IKBKB-DT: variants seen among roughly 807,000 people sequenced by gnomAD.
IKBKB-DT encodes the protein IKBKB antisense RNA.
chr8:42,248,666 G>A (rs1055731377), intron 3 of IKBKB-DT, among the ~76,000 whole-genome samples: 2 of 151,856 alleles, frequency 1.3e-5, no homozygotes, highest in African/African-American at 4.8e-5. Context: ...GGATCATGAG[G>A]TCAGGAGTTC....
chr8:42,262,426 TTTTATTTATTTA>T (rs57144579), intron 3 of IKBKB-DT, among the ~76,000 whole-genome samples: 9 of 144,286 alleles, frequency 6.2e-5, no homozygotes, highest in Admixed American at 2.0e-4. Flanking sequence ...TACCACATTC[TTTTATTTATTTA>T]TTTATTTATT....
At chr8:42,261,622 C>T (rs538968415) in intron 3 of IKBKB-DT, among the ~76,000 whole-genome samples, 73 of 152,152 alleles carry the variant, frequency 4.8e-4, no homozygotes, top group Non-Finnish European at 9.3e-4. Context: ...TTTTGTAATT[C>T]TCCTTCTCCT....
chr8:42,251,847 A>C (rs1421737389), intron 3 of IKBKB-DT, among the ~76,000 whole-genome samples: 1 of 151,914 alleles, frequency 6.6e-6, no homozygotes, highest in African/African-American at 2.4e-5. Flanking sequence ...AAAAAAAGAA[A>C]AGAAAAGAAA....
intron 2 of IKBKB-DT, among the ~76,000 whole-genome samples, chr8:42,264,343 A>G (rs1358475077): frequency 2.0e-5 from 3 of 151,542 alleles, no homozygotes; most frequent in Admixed American, 6.6e-5. Context: ...TTTTGTAGAG[A>G]TGGGGTCTCC....
At chr8:42,248,094 GAA>G (rs757622392) in intron 3 of IKBKB-DT, among the ~76,000 whole-genome samples, 9 of 131,956 alleles carry the variant, frequency 6.8e-5, no homozygotes, top group South Asian at 2.5e-4. Context: ...CTCCGTCTCG[GAA>G]AAAAAAAAAA....
At chr8:42,263,644 G>A (rs1440505993) in intron 2 of IKBKB-DT, among the ~76,000 whole-genome samples, 5 of 152,190 alleles carry the variant, frequency 3.3e-5, no homozygotes, top group Non-Finnish European at 5.9e-5. Flanking sequence ...CGGTGTTGGG[G>A]TGGACAGTTA....
At chr8:42,252,746 T>A in intron 3 of IKBKB-DT, among the ~76,000 whole-genome samples, 1 of 152,210 alleles carries the variant, frequency 6.6e-6, no homozygotes, top group Non-Finnish European at 1.5e-5. Flanking sequence ...CTCTTCCTCA[T>A]TCCTCATACA....
intron 3 of IKBKB-DT, among the ~76,000 whole-genome samples, chr8:42,259,751 G>A (rs1348213151): frequency 2.0e-5 from 3 of 152,136 alleles, no homozygotes; most frequent in African/African-American, 7.2e-5. Flanking sequence ...GGAGGCCAAG[G>A]TGGGTGGATT....
chr8:42,244,963 G>T (rs1186876445), intron 3 of IKBKB-DT, among the ~76,000 whole-genome samples: 1 of 152,102 alleles, frequency 6.6e-6, no homozygotes, highest in Non-Finnish European at 1.5e-5. Context: ...AGAAATTCTA[G>T]TTTGGGCCGG....
intron 3 of IKBKB-DT, among the ~76,000 whole-genome samples, chr8:42,254,319 C>T (rs2129920655): frequency 6.6e-6 from 1 of 152,376 alleles, no homozygotes; most frequent in East Asian, 1.9e-4. Flanking sequence ...AGTCTAGTCT[C>T]TTTATACTTG....
intron 2 of IKBKB-DT, among the ~76,000 whole-genome samples, chr8:42,264,624 T>A (rs1807345245): frequency 6.6e-6 from 1 of 152,174 alleles, no homozygotes; most frequent in Non-Finnish European, 1.5e-5. Flanking sequence ...AGTAGCACGA[T>A]CTCAGCTCAT....
At chr8:42,246,806 G>A (rs1474498722) in intron 3 of IKBKB-DT, among the ~76,000 whole-genome samples, 2 of 152,148 alleles carry the variant, frequency 1.3e-5, no homozygotes, top group African/African-American at 4.8e-5. Context: ...ACCAGGGACC[G>A]GTTTCGTGGG....
At chr8:42,255,456 C>T (rs1807186138) in intron 3 of IKBKB-DT, 2 of 152,096 alleles carry the variant, frequency 1.3e-5, no homozygotes, top group South Asian at 4.1e-4. Flanking sequence ...ATGAATTATT[C>T]TTTTCTTGAT....
intron 3 of IKBKB-DT, among the ~76,000 whole-genome samples, chr8:42,251,623 A>C (rs1807129381): frequency 1.3e-5 from 2 of 152,196 alleles, no homozygotes. Flanking sequence ...TTCTTTAACA[A>C]GAAGGAAAAC....
chr8:42,235,736 C>T (rs1170695233), intron 3 of IKBKB-DT, among the ~76,000 whole-genome samples: 1 of 152,146 alleles, frequency 6.6e-6, no homozygotes, highest in Admixed American at 6.5e-5. Flanking sequence ...CTTCATCTCC[C>T]ACGTGGCATG....
intron 3 of IKBKB-DT, among the ~76,000 whole-genome samples, chr8:42,236,195 C>T (rs1047084657): frequency 6.7e-6 from 1 of 150,184 alleles, no homozygotes; most frequent in African/African-American, 2.5e-5. Context: ...GAGATGGGGT[C>T]TTGCCATGTT....
chr8:42,235,205 C>CTT (rs746414963), intron 3 of IKBKB-DT, among the ~76,000 whole-genome samples: 2,627 of 99,358 alleles, frequency 0.026, 262 homozygotes, highest in African/African-American at 0.094. Context: ...CTTTTATTTT[C>CTT]TTTTTTTTTT....
chr8:42,240,752 G>C (rs189928495), intron 3 of IKBKB-DT, among the ~76,000 whole-genome samples: 13 of 151,908 alleles, frequency 8.6e-5, no homozygotes, highest in African/African-American at 3.1e-4. Flanking sequence ...CGAGGTGGGT[G>C]GATCACAAGG....
chr8:42,248,356 A>T (rs1032525540), intron 3 of IKBKB-DT, among the ~76,000 whole-genome samples: 47 of 151,478 alleles, frequency 3.1e-4, no homozygotes, highest in Middle Eastern at 3.2e-3. Flanking sequence ...TGGTTTGGAG[A>T]CCCCTGTCTT....
Sources: gnomAD v4.1 joint callset for allele counts (sites outside exome capture counted in the v4.1 genomes callset) on GRCh38, gnomAD v4.1.1 for gene constraint, MANE v1.5 for transcripts, NCBI Gene and HGNC (gene_info 2026-07-23, HGNC 2026-07-21) for gene names.